Variants in CSMD1 observed in about 807,000 individuals in gnomAD.
CSMD1 encodes CUB and Sushi multiple domains 1.
In CSMD1, 213 loss-of-function variants were observed where a neutral mutation model predicts 417.5. The ratio of observed to expected loss-of-function variants is 0.51; its 90% CI spans 0.46 to 0.57. CSMD1 has a LOEUF of 0.57. CSMD1 is among the 20% of genes least tolerant of loss of function. The pLI, the probability that CSMD1 is intolerant of heterozygous loss-of-function variation, is 0.00. For missense variants in CSMD1, 6,923 were observed against 4,529.7 expected (o/e 1.53, Z -15.17); for synonymous variants, 2,862 against 1,736.8 (o/e 1.65, Z -16.11).
chr8:3,577,003 C>T (rs17066431), intron 9 of CSMD1, among the ~76,000 whole-genome samples: 1,557 of 152,240 alleles, frequency 0.01, 33 homozygotes, highest in African/African-American at 0.034. Context: ...GCATTGTCGG[C>T]CTGCATTTCA....
chr8:3,120,644 T>C (rs2045642), intron 41 of CSMD1, among the ~76,000 whole-genome samples: 134,560 of 151,858 alleles, frequency 0.89, 59,909 homozygotes, highest in African/African-American at 0.97. Flanking sequence ...GTCAAGAGAT[T>C]GAGACCAGCC....
intron 26 of CSMD1, among the ~76,000 whole-genome samples, chr8:3,247,447 A>G (rs993942170): frequency 4.6e-5 from 7 of 152,070 alleles, no homozygotes; most frequent in African/African-American, 9.7e-5. Flanking sequence ...CTGACAAACC[A>G]TTTCAGATAC....
intron 2 of CSMD1, among the ~76,000 whole-genome samples, chr8:4,574,540 G>C (rs1748064850): frequency 6.6e-6 from 1 of 152,156 alleles, no homozygotes; most frequent in African/African-American, 2.4e-5. Context: ...GGTCTCACTG[G>C]GAGCTGCAGA....
At chr8:4,532,445 C>G (rs567480325) in intron 2 of CSMD1, among the ~76,000 whole-genome samples, 3 of 150,672 alleles carry the variant, frequency 2.0e-5, no homozygotes, top group Non-Finnish European at 3.0e-5. Flanking sequence ...TTCACAGTCA[C>G]TCTGGAAGAG....
chr8:4,367,541 G>A (rs1358045921), intron 3 of CSMD1, among the ~76,000 whole-genome samples: 1 of 152,238 alleles, frequency 6.6e-6, no homozygotes, highest in South Asian at 2.1e-4. Context: ...TAGCTAATGT[G>A]GGGCTCTTTG....
At chr8:4,610,962 A>C (rs918447933) in intron 2 of CSMD1, among the ~76,000 whole-genome samples, 1 of 152,216 alleles carries the variant, frequency 6.6e-6, no homozygotes, top group African/African-American at 2.4e-5. Flanking sequence ...TGTAGTTTTA[A>C]AACTTAGTAT....
intron 5 of CSMD1, among the ~76,000 whole-genome samples, chr8:3,860,770 G>A (rs1474595061): frequency 6.6e-6 from 1 of 152,118 alleles, no homozygotes; most frequent in Non-Finnish European, 1.5e-5. Flanking sequence ...AAGGGAGAGA[G>A]TAGAGCTGTT....
intron 55 of CSMD1, among the ~76,000 whole-genome samples, chr8:2,976,297 C>G (rs569161162): frequency 3.3e-4 from 50 of 152,076 alleles, no homozygotes; most frequent in Middle Eastern, 6.8e-3. Flanking sequence ...AGGCAAGAGG[C>G]ATTATCCCTT....
At chr8:4,110,831 T>C (rs929185287) in intron 3 of CSMD1, among the ~76,000 whole-genome samples, 2 of 152,240 alleles carry the variant, frequency 1.3e-5, no homozygotes, top group African/African-American at 2.4e-5. Flanking sequence ...CTATTTCTAC[T>C]TTTTTTAAGG....
At chr8:3,464,125 G>C (rs1489255271) in intron 12 of CSMD1, among the ~76,000 whole-genome samples, 1 of 152,102 alleles carries the variant, frequency 6.6e-6, no homozygotes, top group Non-Finnish European at 1.5e-5. Context: ...CCCCCTGCTG[G>C]AATGTAAATA....
intron 3 of CSMD1, among the ~76,000 whole-genome samples, chr8:4,075,319 C>T (rs558980139): frequency 8.6e-5 from 13 of 151,814 alleles, no homozygotes; most frequent in Non-Finnish European, 1.2e-4. Flanking sequence ...ACATAAATAC[C>T]TTCACCTAAG....
intron 3 of CSMD1, among the ~76,000 whole-genome samples, chr8:4,199,629 A>G (rs1248555731): frequency 6.6e-6 from 1 of 152,188 alleles, no homozygotes; most frequent in Non-Finnish European, 1.5e-5. Flanking sequence ...TTTGCTTTGC[A>G]TAAATAAAGA....
At chr8:3,647,378 A>C (rs75215605) in intron 7 of CSMD1, among the ~76,000 whole-genome samples, 1,761 of 23,010 alleles carry the variant, frequency 0.077, 39 homozygotes, top group African/African-American at 0.32. Flanking sequence ...GAAATACAGC[A>C]TAGAAAGAAA....
At chr8:4,440,472 A>T (rs1221339602) in intron 2 of CSMD1, among the ~76,000 whole-genome samples, 1 of 152,212 alleles carries the variant, frequency 6.6e-6, no homozygotes, top group Non-Finnish European at 1.5e-5. Context: ...TCACAAAAAA[A>T]AATCTCAGCA....
intron 2 of CSMD1, among the ~76,000 whole-genome samples, chr8:4,487,974 G>A (rs1049287151): frequency 6.6e-6 from 1 of 152,158 alleles, no homozygotes; most frequent in African/African-American, 2.4e-5. Context: ...ATGTATATGT[G>A]AAAATCCTAC....
intron 41 of CSMD1, among the ~76,000 whole-genome samples, chr8:3,118,897 C>T (rs1034607570): frequency 6.6e-6 from 1 of 152,146 alleles, no homozygotes; most frequent in Non-Finnish European, 1.5e-5. Flanking sequence ...GAAAGTAATA[C>T]AGGCTGGGAG....
chr8:3,008,038 T>C (rs1254329951), intron 52 of CSMD1, among the ~76,000 whole-genome samples: 1 of 152,244 alleles, frequency 6.6e-6, no homozygotes, highest in Non-Finnish European at 1.5e-5. Context: ...TTTAACAATC[T>C]TTCTCTAAAA....
chr8:3,941,803 T>A (rs888315599), intron 5 of CSMD1, among the ~76,000 whole-genome samples: 1 of 152,062 alleles, frequency 6.6e-6, no homozygotes, highest in Non-Finnish European at 1.5e-5. Flanking sequence ...TGTTCCCTCA[T>A]ACGCAAGGAA....
At chr8:3,984,741 ATATATATATATT>A (rs1480470570) in intron 5 of CSMD1, among the ~76,000 whole-genome samples, 2,094 of 93,278 alleles carry the variant, frequency 0.022, 88 homozygotes, top group African/African-American at 0.029. Context: ...ATATATATAT[ATATATATATATT>A]TGTATGTATT....
Sources: gnomAD v4.1 joint callset for allele counts (sites outside exome capture counted in the v4.1 genomes callset) on GRCh38, gnomAD v4.1.1 for gene constraint, MANE v1.5 for transcripts, NCBI Gene and HGNC (gene_info 2026-07-23, HGNC 2026-07-21) for gene names.